The following ACER2 variants were observed in gnomAD, a reference collection of about 807,000 sequenced individuals.
ACER2 encodes the protein alkCDase 2.
A neutral mutation model predicts 34.7 loss-of-function variants in ACER2; 26 were observed. The observed-to-expected ratio is 0.75, with a 90% CI of 0.55 to 1.04. The LOEUF is 1.04. Among genes scored for constraint, ACER2 ranks in the 50% least tolerant of loss-of-function variants. The pLI is 0.00. For missense variants in ACER2, 352 were observed against 340.8 expected (o/e 1.03, Z -0.26); for synonymous variants, 138 against 132.1 (o/e 1.04, Z -0.31).
chr9:19,442,508 C>T (rs1363150540), intron 4 of ACER2, among the ~76,000 whole-genome samples: 1 of 152,214 alleles, frequency 6.6e-6, no homozygotes, highest in Admixed American at 6.5e-5. Flanking sequence ...CCAGGCTCTA[C>T]AGAGCCTCCC....
intron 1 of ACER2, among the ~76,000 whole-genome samples, chr9:19,419,181 A>C (rs1434385055): frequency 6.6e-6 from 1 of 152,102 alleles, no homozygotes; most frequent in Non-Finnish European, 1.5e-5. Context: ...ACAAGAGCAA[A>C]ACTCCATCTC....
chr9:19,450,769 T>C lies in ACER2; in HGVS notation c.*133T>C. On this transcript the variant is annotated 3_prime_UTR_variant, in exon 6 of 6. Coordinates refer to ENST00000340967, the MANE Select transcript of ACER2 (RefSeq NM_001010887.3). ...TTCAAAAATCTATTTGCTGGGGCTCTTAATTTCTTTAGTGTTCTTTGTATG... is the reference window on the plus strand; with the variant it reads ...TTCAAAAATCTATTTGCTGGGGCTCCTAATTTCTTTAGTGTTCTTTGTATG... 1 of 824,732 alleles carries C rather than the reference T, an allele frequency of 1.2e-6. No homozygotes were observed. The highest frequency in any genetic ancestry group is 1.7e-6 in the Non-Finnish European group (1 of 572,100). The allele number at this position is 824,732 out of a possible 1,614,324, so 51.1% of individuals were successfully genotyped here.
chr9:19,426,232 A>ATT (rs766832498), intron 3 of ACER2, among the ~76,000 whole-genome samples: 11 of 148,856 alleles, frequency 7.4e-5, no homozygotes, highest in Middle Eastern at 3.5e-3. Flanking sequence ...TTTTTTTAAA[A>ATT]AAAAAAAAAC....
At chr9:19,425,606 G>A (rs890016721) in intron 3 of ACER2, among the ~76,000 whole-genome samples, 7 of 152,186 alleles carry the variant, frequency 4.6e-5, no homozygotes, top group Admixed American at 6.5e-5. Flanking sequence ...ATTAGGATAT[G>A]TTAGGTACTG....
At chr9:19,417,201 C>G (rs1444748811) in intron 1 of ACER2, among the ~76,000 whole-genome samples, 1 of 152,138 alleles carries the variant, frequency 6.6e-6, no homozygotes, top group South Asian at 2.1e-4. Flanking sequence ...GAACTACAAA[C>G]CACTGCTCAA....
At chr9:19,426,372 C>T (rs796072231) in intron 3 of ACER2, among the ~76,000 whole-genome samples, 5 of 92,442 alleles carry the variant, frequency 5.4e-5, no homozygotes, top group South Asian at 4.2e-4. Flanking sequence ...CTCTCTCTCT[C>T]TCTCTCTCTC....
intron 4 of ACER2, among the ~76,000 whole-genome samples, chr9:19,442,340 C>G (rs1385104201): frequency 6.6e-6 from 1 of 152,182 alleles, no homozygotes; most frequent in Non-Finnish European, 1.5e-5. Context: ...CCCTTTTTCA[C>G]TTCACATTGA....
intron 4 of ACER2, among the ~76,000 whole-genome samples, chr9:19,438,488 C>A (rs1831043773): frequency 6.6e-6 from 1 of 152,200 alleles, no homozygotes; most frequent in Non-Finnish European, 1.5e-5. Flanking sequence ...GGCTCCTGGG[C>A]CTTTGGCTCC....
intron 1 of ACER2, among the ~76,000 whole-genome samples, chr9:19,419,340 G>T (rs1030841720): frequency 6.6e-6 from 1 of 151,458 alleles, no homozygotes; most frequent in Non-Finnish European, 1.5e-5. Flanking sequence ...AAGAAAAATT[G>T]GCCACATTTC....
intron 4 of ACER2, among the ~76,000 whole-genome samples, chr9:19,440,380 T>G (rs1042476191): frequency 4.6e-5 from 7 of 152,182 alleles, no homozygotes; most frequent in African/African-American, 1.7e-4. Context: ...GAAATACTAA[T>G]TAATAAGGTG....
intron 4 of ACER2, among the ~76,000 whole-genome samples, chr9:19,436,824 C>T (rs1272074153): frequency 6.6e-6 from 1 of 152,094 alleles, no homozygotes; most frequent in African/African-American, 2.4e-5. Context: ...TATCTTTGTG[C>T]ACTTATTACA....
intron 1 of ACER2, among the ~76,000 whole-genome samples, chr9:19,423,032 CAAAAAAA>C (rs764823366): frequency 1.5e-5 from 1 of 68,954 alleles, no homozygotes; most frequent in Admixed American, 1.7e-4. Context: ...AACTCTGTCT[CAAAAAAA>C]AAAAAAAAAA....
chr9:19,436,987 A>C (rs963174097), intron 4 of ACER2, among the ~76,000 whole-genome samples: 9 of 152,172 alleles, frequency 5.9e-5, no homozygotes, highest in African/African-American at 2.2e-4. Flanking sequence ...CCTGTGTAAT[A>C]CAGGCTTTCA....
chr9:19,428,054 T>A (rs1375329071), intron 3 of ACER2, among the ~76,000 whole-genome samples: 1 of 139,254 alleles, frequency 7.2e-6, no homozygotes, highest in Non-Finnish European at 1.6e-5. Flanking sequence ...TTTCCTTTCC[T>A]TTCCTTTCCT....
chr9:19,436,653 G>A (rs571310247), intron 4 of ACER2, among the ~76,000 whole-genome samples: 30 of 152,176 alleles, frequency 2.0e-4, no homozygotes, highest in African/African-American at 7.0e-4. Context: ...CTCCTTCTCT[G>A]TAAATCAATA....
chr9:19,424,828 T>C lies in ACER2; in HGVS notation c.352T>C (p.Phe118Leu). ...CCCCAGAAGGTATCTACCAAAGATC[T>C]TTCGGAATGACCGGTAAGCTTGCAC... ...WFPRRYLPKI[F>L]RNDRGRFKVV... Residue 118 changes from phenylalanine (F) to leucine (L), a missense_variant, in exon 3 of 6, where the codon TTT becomes CTT. Coordinates refer to ENST00000340967, the MANE Select transcript of ACER2 (RefSeq NM_001010887.3). 6.2e-7 allele frequency: 1 copy of C among 1,614,194 alleles called. No homozygotes were observed. Among genetic ancestry groups the C allele is most frequent in the South Asian group, 1.1e-5 (1 of 91,072 alleles).
At chr9:19,423,714 G>C in intron 1 of ACER2, 148 bp from the exon 2 acceptor site, 1 of 623,496 alleles carries the variant, frequency 1.6e-6, no homozygotes. Flanking sequence ...ATCTCAAAGA[G>C]AAAAGAAAAA....
intron 3 of ACER2, among the ~76,000 whole-genome samples, chr9:19,429,840 A>G (rs368319530): frequency 1.7e-4 from 26 of 152,280 alleles, no homozygotes; most frequent in African/African-American, 6.3e-4. Context: ...GGGTTGAAGT[A>G]GCTCTCTGAG....
intron 4 of ACER2, among the ~76,000 whole-genome samples, chr9:19,444,269 TG>T (rs1395751192): frequency 6.7e-6 from 1 of 150,162 alleles, no homozygotes; most frequent in African/African-American, 2.5e-5. Flanking sequence ...TGGAGTGCAG[TG>T]GCGCGATCTC....
Sources: allele counts gnomAD v4.1 joint callset (sites outside exome capture counted in the v4.1 genomes callset), GRCh38; gene constraint gnomAD v4.1.1; transcripts MANE v1.5; gene names NCBI Gene and HGNC (gene_info 2026-07-23, HGNC 2026-07-21).